The following CCDC18 variants were observed in gnomAD, a reference collection of about 807,000 sequenced individuals.
The protein encoded by CCDC18 is coiled-coil domain containing 18.
In CCDC18, 157 loss-of-function variants were observed where a neutral mutation model predicts 196.0. That is an observed-to-expected ratio of 0.80 (90% CI 0.70 to 0.91). CCDC18 has a LOEUF of 0.91. CCDC18 is among the 40% of genes least tolerant of loss of function. CCDC18 has a pLI of 0.00. For synonymous variants in CCDC18, 482 were observed against 529.2 expected, an observed-to-expected ratio of 0.91 and a Z score of 1.22; for missense variants, 1,465 against 1,611.6, an observed-to-expected ratio of 0.91 and a Z score of 1.56.
At position 93,210,808 on chromosome 1, in the gene CCDC18, A is replaced by G. The variant is rs772065059; in HGVS notation, c.1216A>G (p.Arg406Gly). Reference protein sequence around the residue: ...EKIISQLPLKRELFGFKSYLS... With the variant: ...EKIISQLPLKGELFGFKSYLS... ...TTTGTTTTTAAACTTGCAGTTAAAA[A>G]GAGAATTATTTGGCTTTAAATCATA... is the stretch of plus-strand genomic sequence containing the variant. Residue 406 changes from arginine to glycine, a missense_variant, in exon 10 of 29, where the codon AGA becomes GGA. By Grantham distance (125) the Arg-to-Gly change is moderately radical. Transcript: ENST00000690025. 1 of 1,592,518 alleles carries G rather than the reference A, an allele frequency of 6.3e-7. No homozygotes were observed. Among genetic ancestry groups the G allele is most frequent in the East Asian group, 2.2e-5 (1 of 44,656 alleles).
At chr1:93,240,000 G>A in intron 21 of CCDC18, 104 bp downstream of exon 21, 1 of 775,562 alleles carries the variant, frequency 1.3e-6, no homozygotes. Context: ...ACTGTCTTTG[G>A]CTCACTTTGG....
chr1:93,185,252 G>A (rs1420539742), intron 3 of CCDC18, among the ~76,000 whole-genome samples: 2 of 151,620 alleles, frequency 1.3e-5, no homozygotes, highest in Admixed American at 6.6e-5. Flanking sequence ...TATTGGGTAC[G>A]GGTACATTGC....
intron 4 of CCDC18, chr1:93,190,714 C>A: frequency 8.3e-6 from 3 of 362,834 alleles, no homozygotes; most frequent in East Asian, 5.4e-5. Context: ...ATTTTATTGT[C>A]TTCATAATAA....
At chr1:93,212,782 C>G (rs558440079) in intron 11 of CCDC18, among the ~76,000 whole-genome samples, 84 of 152,070 alleles carry the variant, frequency 5.5e-4, no homozygotes, top group Non-Finnish European at 1.0e-3. Flanking sequence ...TTTCCATGGA[C>G]CAGGGACAGG....
chr1:93,215,325 G>A (rs1656298633), intron 12 of CCDC18, among the ~76,000 whole-genome samples: 1 of 152,000 alleles, frequency 6.6e-6, no homozygotes, highest in Non-Finnish European at 1.5e-5. Context: ...TGATAATAAA[G>A]GATTTCAAAT....
At chr1:93,194,410 AGCAATTTTGCAATTTT>A (rs200273571) in intron 6 of CCDC18, among the ~76,000 whole-genome samples, 5 of 152,188 alleles carry the variant, frequency 3.3e-5, no homozygotes, top group Non-Finnish European at 5.9e-5. Flanking sequence ...ATCTGTACTA[AGCAATTTTGCAATTTT>A]GCAATTTTGC....
At position 93,214,814 on chromosome 1, in the gene CCDC18, A is replaced by C. The variant is rs376962690; in HGVS notation, c.1567A>C (p.Thr523Pro). 163 of 1,613,378 alleles carry C rather than the reference A, an allele frequency of 1.0e-4. No homozygotes were observed. The highest frequency in any genetic ancestry group is 1.2e-4 in the Non-Finnish European group (144 of 1,179,720). The change falls in exon 12 of 29, where the codon ACT becomes CCT. Residue 523 changes from threonine (T) to proline (P), a missense_variant. By Grantham distance (38) the Thr-to-Pro change is conservative (BLOSUM62 -1). Transcript: ENST00000690025. ...TGAAAAAGAGAGGCAAAGACTTGTT[A>C]CTGGAATAGAAGAACTACGTACTAA... ...QYEKERQRLV[T>P]GIEELRTKLI...
chr1:93,225,157 T>C lies in CCDC18; in HGVS notation c.2176-1176T>C, dbSNP rs540463710. ...AAGATTTCTTTCACTTTTTCAAGAC[T>C]GCTTACTAGAACATTATTAGCATTA... On this transcript the variant is annotated intron_variant, in intron 16 of 28. Transcript: ENST00000690025. Among the ~76,000 whole-genome samples the C allele has an allele frequency of 2.6e-5, 4 of 152,310 alleles. No homozygotes were observed. The South Asian group carries it at 8.3e-4, about 32-fold the overall frequency.
chr1:93,180,644 G>C (rs1649406918), upstream of CCDC18: 1 of 1,329,546 alleles, frequency 7.5e-7, no homozygotes, highest in Non-Finnish European at 9.9e-7. Context: ...GGCAAGCCCC[G>C]CGCCTTCGGC....
At chr1:93,260,524 A>G (rs1237028226) in intron 26 of CCDC18, among the ~76,000 whole-genome samples, 1 of 152,146 alleles carries the variant, frequency 6.6e-6, no homozygotes, top group African/African-American at 2.4e-5. Flanking sequence ...TAAAATATAT[A>G]TGTTGTTTGA....
chr1:93,238,563 G>A (rs1660351350), intron 19 of CCDC18, among the ~76,000 whole-genome samples: 1 of 152,140 alleles, frequency 6.6e-6, no homozygotes. Flanking sequence ...AACAGAAAGT[G>A]TTGACACAAA....
chr1:93,180,964 C>T (rs1277841617), intron 1 of CCDC18, 112 bp downstream of exon 1: 1 of 1,044,116 alleles, frequency 9.6e-7, no homozygotes, highest in Non-Finnish European at 1.3e-6. Flanking sequence ...CTTGGATGCG[C>T]TGGGACTGGT....
At chr1:93,236,429 A>G (rs781757149) in intron 19 of CCDC18, 39 bp downstream of exon 19, 9 of 1,558,180 alleles carry the variant, frequency 5.8e-6, no homozygotes, top group South Asian at 3.6e-5. Flanking sequence ...TCCCACTTCA[A>G]TATCAGTGGT....
At chr1:93,214,456 G>T (rs983214032) in intron 11 of CCDC18, among the ~76,000 whole-genome samples, 89 of 152,238 alleles carry the variant, frequency 5.8e-4, no homozygotes, top group African/African-American at 2.1e-3. Flanking sequence ...TTAAAAAATG[G>T]AATTTAAAAG....
Position 93,207,259 on chromosome 1 carries a change from A to G in CCDC18, c.1070A>G (p.Lys357Arg), listed in dbSNP as rs1482064469. The change falls in exon 9 of 29, where the codon AAA (lysine) becomes AGA (arginine). Residue 357 changes from lysine to arginine, a missense_variant. Coordinates refer to ENST00000690025, the MANE Select transcript of CCDC18 (RefSeq NM_001378204.1). Reference protein sequence around the residue: ...LENKDEILRDKFSLMNENREL... With the variant: ...LENKDEILRDRFSLMNENREL... ...AACAAAGACGAAATACTTAGAGACA[A>G]ATTTTCTTTAATGAATGAAAACCGA... The G allele has an allele frequency of 6.2e-7, 1 of 1,613,774 alleles. No individual in the cohort carries two copies. Among genetic ancestry groups the G allele is most frequent in the Non-Finnish European group, 8.5e-7 (1 of 1,179,786 alleles).
At chr1:93,246,524 A>C (rs1661519509) in intron 22 of CCDC18, among the ~76,000 whole-genome samples, 1 of 152,158 alleles carries the variant, frequency 6.6e-6, no homozygotes. Context: ...GCATAAAATG[A>C]AGTCTGAATT....
chr1:93,239,971 T>C, intron 21 of CCDC18, 75 bp downstream of exon 21: 1 of 1,051,604 alleles, frequency 9.5e-7, no homozygotes, highest in Non-Finnish European at 1.4e-6. Flanking sequence ...TGTTGCATTC[T>C]AGACGTCTAA....
chr1:93,274,325 C>T (rs537683056), intron 28 of CCDC18, among the ~76,000 whole-genome samples: 1 of 152,062 alleles, frequency 6.6e-6, no homozygotes, highest in South Asian at 2.1e-4. Context: ...TTGCTTGAAC[C>T]CGGGAGGCAG....
At chr1:93,222,987 A>G (rs934511634) in intron 16 of CCDC18, among the ~76,000 whole-genome samples, 1 of 152,174 alleles carries the variant, frequency 6.6e-6, no homozygotes, top group Non-Finnish European at 1.5e-5. Flanking sequence ...TTTATTCATA[A>G]ATATTCCTGT....
Sources: allele counts gnomAD v4.1 joint callset (sites outside exome capture counted in the v4.1 genomes callset), GRCh38; gene constraint gnomAD v4.1.1; transcripts MANE v1.5; gene names NCBI Gene and HGNC (gene_info 2026-07-23, HGNC 2026-07-21).